TSHZ2: variants seen among roughly 807,000 people sequenced by gnomAD.
TSHZ2 encodes teashirt zinc finger homeobox 2, also known as teashirt homolog 2.
A neutral mutation model predicts 74.4 loss-of-function variants in TSHZ2; 21 were observed. The observed-to-expected ratio is 0.28, with a 90% CI of 0.20 to 0.41. The LOEUF (loss-of-function observed/expected upper bound fraction) is 0.41, where lower values mean the gene tolerates loss of function less well. Among genes scored for constraint, TSHZ2 ranks in the 10% least tolerant of loss-of-function variants. TSHZ2 has a pLI of 1.00. For missense variants in TSHZ2, 1,244 were observed against 1,293.5 expected (o/e 0.96, Z 0.59); for synonymous variants, 540 against 515.3 (o/e 1.05, Z -0.65).
intron 1 of TSHZ2, among the ~76,000 whole-genome samples, chr20:53,121,254 T>C (rs543285423): frequency 1.3e-5 from 2 of 152,304 alleles, no homozygotes; most frequent in South Asian, 2.1e-4. Flanking sequence ...TGCCTCAAAT[T>C]GTCTTCCTTT....
At chr20:53,189,893 G>A (rs1369851657) in intron 1 of TSHZ2, among the ~76,000 whole-genome samples, 4 of 151,128 alleles carry the variant, frequency 2.6e-5, no homozygotes, top group African/African-American at 9.7e-5. Context: ...AGACCAGCCT[G>A]AGCAACATGG....
At chr20:53,291,166 C>A (rs1244156540) in intron 2 of TSHZ2, among the ~76,000 whole-genome samples, 6 of 152,068 alleles carry the variant, frequency 3.9e-5, no homozygotes, top group Non-Finnish European at 7.4e-5. Flanking sequence ...GTTCCAAATA[C>A]CCTGGTCAAA....
At chr20:53,002,648 AAAAT>A (rs151099197) in intron 1 of TSHZ2, among the ~76,000 whole-genome samples, 7,429 of 151,836 alleles carry the variant, frequency 0.049, 194 homozygotes, top group East Asian at 0.087. Context: ...TTATTTATAA[AAAAT>A]AAATTTATAA....
rs1321679355 is a variant in TSHZ2, at chr20:53,036,766, GTATA to G, written c.40+63437_40+63440del. Among the ~76,000 whole-genome samples the G allele has an allele frequency of 1.5e-4, 22 of 147,272 alleles. No homozygotes were observed. In the East Asian group the frequency reaches 4.3e-3, roughly 29 times the overall value. ...TATATAATTATATATATTACATAAA[GTATA>G]TATTATATATTTTAAAAGCATGTAA... is the stretch of plus-strand genomic sequence containing the variant. On this transcript the variant is annotated intron_variant, in intron 1 of 2. Transcript: ENST00000371497.
chr20:53,427,375 T>G (rs1983692000), intron 2 of TSHZ2, among the ~76,000 whole-genome samples: 1 of 152,164 alleles, frequency 6.6e-6, no homozygotes, highest in Non-Finnish European at 1.5e-5. Context: ...ACGCGAGGTA[T>G]GATTTCAGTT....
intron 2 of TSHZ2, among the ~76,000 whole-genome samples, chr20:53,315,440 G>C (rs1978966276): frequency 6.6e-6 from 1 of 152,192 alleles, no homozygotes; most frequent in Non-Finnish European, 1.5e-5. Flanking sequence ...TGAAATCTTG[G>C]GAAAGAAAAC....
chr20:53,116,421 G>T (rs1377935157), intron 1 of TSHZ2, among the ~76,000 whole-genome samples: 1 of 152,150 alleles, frequency 6.6e-6, no homozygotes, highest in Non-Finnish European at 1.5e-5. Context: ...GTGCCCCAAT[G>T]TCTTCCTTAC....
intron 1 of TSHZ2, among the ~76,000 whole-genome samples, chr20:52,978,795 A>G (rs1418568070): frequency 6.6e-6 from 1 of 152,160 alleles, no homozygotes; most frequent in Non-Finnish European, 1.5e-5. Flanking sequence ...TTTCTTTGAG[A>G]GAAATTTATT....
intron 2 of TSHZ2, among the ~76,000 whole-genome samples, chr20:53,269,801 A>AAAT (rs1212684457): frequency 3.9e-5 from 6 of 151,952 alleles, no homozygotes; most frequent in African/African-American, 1.5e-4. Context: ...GTATAATAAA[A>AAAT]AAAAAAGAAA....
At chr20:53,447,495 G>A (rs1480306765) in intron 2 of TSHZ2, among the ~76,000 whole-genome samples, 1 of 152,186 alleles carries the variant, frequency 6.6e-6, no homozygotes, top group East Asian at 1.9e-4. Flanking sequence ...ATCACAAGCA[G>A]GAAATTAACA....
At chr20:53,270,932 G>T (rs1600780801) in intron 2 of TSHZ2, among the ~76,000 whole-genome samples, 1 of 152,134 alleles carries the variant, frequency 6.6e-6, no homozygotes, top group East Asian at 1.9e-4. Flanking sequence ...CCCTGTACTT[G>T]CGGGAGCCTC....
chr20:53,166,167 C>A (rs1988056858), intron 1 of TSHZ2, among the ~76,000 whole-genome samples: 1 of 152,138 alleles, frequency 6.6e-6, no homozygotes, highest in African/African-American at 2.4e-5. Context: ...TTTCCCCATC[C>A]TTGGTTTTGT....
intron 1 of TSHZ2, among the ~76,000 whole-genome samples, chr20:52,976,033 C>T: frequency 6.6e-6 from 1 of 152,226 alleles, no homozygotes; most frequent in Non-Finnish European, 1.5e-5. Flanking sequence ...TGGATCCGAG[C>T]TGAGGCTCTC....
At chr20:53,194,773 C>T (rs573764113) in intron 1 of TSHZ2, among the ~76,000 whole-genome samples, 13 of 152,298 alleles carry the variant, frequency 8.5e-5, no homozygotes, top group African/African-American at 2.9e-4. Context: ...AACTCGCTCC[C>T]GGTGACTTGA....
At chr20:53,321,111 C>G (rs1414720940) in intron 2 of TSHZ2, among the ~76,000 whole-genome samples, 1 of 152,192 alleles carries the variant, frequency 6.6e-6, no homozygotes, top group Non-Finnish European at 1.5e-5. Flanking sequence ...CACCATCACT[C>G]TAGGGCGCAA....
chr20:53,327,232 A>G (rs1206890682), intron 2 of TSHZ2, among the ~76,000 whole-genome samples: 1 of 152,230 alleles, frequency 6.6e-6, no homozygotes, highest in African/African-American at 2.4e-5. Context: ...TCCTTCAATC[A>G]AGGAAGATCC....
At chr20:53,033,447 T>C (rs966679376) in intron 1 of TSHZ2, among the ~76,000 whole-genome samples, 2 of 152,088 alleles carry the variant, frequency 1.3e-5, no homozygotes, top group African/African-American at 4.8e-5. Context: ...TGTAAGCAAG[T>C]CACTTAATCA....
intron 2 of TSHZ2, among the ~76,000 whole-genome samples, chr20:53,320,681 CA>C (rs1272894262): frequency 6.6e-6 from 1 of 152,168 alleles, no homozygotes; most frequent in Non-Finnish European, 1.5e-5. Context: ...CACATCAGCA[CA>C]AAGCTCACCC....
At chr20:53,474,264 C>T (rs200573608) in intron 2 of TSHZ2, among the ~76,000 whole-genome samples, 17,014 of 127,362 alleles carry the variant, frequency 0.13, 1,200 homozygotes, top group East Asian at 0.21. Flanking sequence ...AGAGAAAGGT[C>T]GGGTTACCCT....
Sources: allele counts gnomAD v4.1 joint callset (sites outside exome capture counted in the v4.1 genomes callset), GRCh38; gene constraint gnomAD v4.1.1; transcripts MANE v1.5; gene names NCBI Gene and HGNC (gene_info 2026-07-23, HGNC 2026-07-21).